Variants in SLC24A3 observed in about 807,000 individuals in gnomAD.
SLC24A3 encodes the protein sodium/potassium/calcium exchanger 3.
A neutral mutation model predicts 75.8 loss-of-function variants in SLC24A3; 28 were observed. The observed-to-expected ratio is 0.37, with a 90% CI of 0.27 to 0.51. The LOEUF is 0.51. Among genes scored for constraint, SLC24A3 ranks in the 20% least tolerant of loss-of-function variants. The probability of loss-of-function intolerance (pLI) is 0.94; values close to 1 mark genes in which losing one functional copy is unlikely to be tolerated. For missense variants in SLC24A3, 663 were observed against 847.8 expected (o/e 0.78, Z 2.71); for synonymous variants, 372 against 334.1 (o/e 1.11, Z -1.24).
At chr20:19,545,982 AC>A (rs1386707636) in intron 3 of SLC24A3, among the ~76,000 whole-genome samples, 1 of 151,166 alleles carries the variant, frequency 6.6e-6, no homozygotes, top group Non-Finnish European at 1.5e-5. Context: ...ACACGTTGAA[AC>A]CCCATTTCTA....
intron 2 of SLC24A3, among the ~76,000 whole-genome samples, chr20:19,382,190 G>T (rs1009296344): frequency 7.2e-5 from 11 of 152,192 alleles, no homozygotes; most frequent in Non-Finnish European, 2.9e-5. Context: ...CTAGGAATTT[G>T]GCTGATCAAT....
chr20:19,711,333 A>G (rs1456284786), intron 15 of SLC24A3, among the ~76,000 whole-genome samples: 2 of 151,080 alleles, frequency 1.3e-5, no homozygotes, highest in East Asian at 2.0e-4. Context: ...ACATGCATGC[A>G]CACGTGCAAA....
intron 2 of SLC24A3, among the ~76,000 whole-genome samples, chr20:19,473,217 C>T (rs1346468760): frequency 3.3e-5 from 5 of 152,190 alleles, no homozygotes; most frequent in Admixed American, 6.5e-5. Flanking sequence ...CAGCAGAACA[C>T]GAAGCTTGTA....
intron 2 of SLC24A3, among the ~76,000 whole-genome samples, chr20:19,458,443 G>A (rs980880838): frequency 6.6e-6 from 1 of 152,172 alleles, no homozygotes; most frequent in African/African-American, 2.4e-5. Flanking sequence ...CACATTGTCT[G>A]TGCAACTGTC....
intron 15 of SLC24A3, among the ~76,000 whole-genome samples, chr20:19,707,395 GTTTAAC>G (rs2032942303): frequency 6.6e-6 from 1 of 152,238 alleles, no homozygotes; most frequent in Non-Finnish European, 1.5e-5. Flanking sequence ...CTGGCAATTA[GTTTAAC>G]TTTAGCCCCT....
At chr20:19,432,102 C>G (rs5000168) in intron 2 of SLC24A3, among the ~76,000 whole-genome samples, 1 of 151,970 alleles carries the variant, frequency 6.6e-6, no homozygotes, top group African/African-American at 2.4e-5. Flanking sequence ...AAAGGCACCA[C>G]TGAGGTGACA....
intron 2 of SLC24A3, among the ~76,000 whole-genome samples, chr20:19,355,518 A>T (rs982778821): frequency 6.6e-6 from 1 of 152,026 alleles, no homozygotes; most frequent in Admixed American, 6.6e-5. Flanking sequence ...GAGCTGTAGG[A>T]CCCCCAGGGT....
chr20:19,610,278 T>G (rs890673397), intron 6 of SLC24A3, among the ~76,000 whole-genome samples: 1 of 152,166 alleles, frequency 6.6e-6, no homozygotes, highest in Non-Finnish European at 1.5e-5. Context: ...AGGAAAACAT[T>G]GGGATCTCCT....
intron 7 of SLC24A3, among the ~76,000 whole-genome samples, chr20:19,657,131 T>C (rs760717332): frequency 5.9e-5 from 9 of 152,238 alleles, no homozygotes; most frequent in Non-Finnish European, 1.3e-4. Flanking sequence ...TGCTGTTACC[T>C]GAAGATGTGG....
intron 1 of SLC24A3, among the ~76,000 whole-genome samples, chr20:19,279,055 G>C (rs983888307): frequency 1.1e-4 from 17 of 152,228 alleles, no homozygotes; most frequent in African/African-American, 3.4e-4. Context: ...TCAGGTGCTG[G>C]AGAGGCAATG....
chr20:19,333,820 C>A (rs1600434521), intron 2 of SLC24A3, among the ~76,000 whole-genome samples: 1 of 152,082 alleles, frequency 6.6e-6, no homozygotes, highest in African/African-American at 2.4e-5. Flanking sequence ...AGTAAATTGT[C>A]CTCCACCACA....
At chr20:19,546,162 A>G (rs2030588898) in intron 3 of SLC24A3, among the ~76,000 whole-genome samples, 1 of 83,464 alleles carries the variant, frequency 1.2e-5, no homozygotes, top group African/African-American at 3.3e-5. Context: ...CCGTCTCAAA[A>G]AAAAAAAAAA....
intron 12 of SLC24A3, among the ~76,000 whole-genome samples, chr20:19,689,666 G>A (rs1454538402): frequency 6.6e-6 from 1 of 152,174 alleles, no homozygotes; most frequent in African/African-American, 2.4e-5. Flanking sequence ...AGCAGAAGAT[G>A]GAAAAATGTC....
intron 3 of SLC24A3, among the ~76,000 whole-genome samples, chr20:19,544,613 A>ATT (rs34245557): frequency 6.0e-5 from 9 of 151,114 alleles, no homozygotes; most frequent in Non-Finnish European, 1.3e-4. Flanking sequence ...CCTCTGGGGC[A>ATT]TTTTTTTTTA....
At chr20:19,513,947 T>A (rs868464201) in intron 2 of SLC24A3, among the ~76,000 whole-genome samples, 40 of 152,302 alleles carry the variant, frequency 2.6e-4, no homozygotes, top group Middle Eastern at 6.8e-3. Flanking sequence ...TCCATCCTCT[T>A]CGCAAGTTTC....
intron 2 of SLC24A3, among the ~76,000 whole-genome samples, chr20:19,367,207 G>C (rs1322614791): frequency 6.6e-6 from 1 of 152,246 alleles, no homozygotes; most frequent in Non-Finnish European, 1.5e-5. Flanking sequence ...GAAGTGGACA[G>C]AAGGAAGTGG....
intron 2 of SLC24A3, among the ~76,000 whole-genome samples, chr20:19,362,966 G>A (rs528166974): frequency 2.2e-4 from 33 of 152,326 alleles, no homozygotes; most frequent in African/African-American, 6.3e-4. Context: ...TTTCAAACAC[G>A]GTTAAGTATT....
At chr20:19,362,042 G>A (rs1236678224) in intron 2 of SLC24A3, among the ~76,000 whole-genome samples, 2 of 152,098 alleles carry the variant, frequency 1.3e-5, no homozygotes, top group East Asian at 1.9e-4. Flanking sequence ...TCTGGTTCAT[G>A]TGTAGTAAAG....
intron 2 of SLC24A3, among the ~76,000 whole-genome samples, chr20:19,473,596 G>A (rs1303995537): frequency 6.6e-6 from 1 of 152,224 alleles, no homozygotes; most frequent in African/African-American, 2.4e-5. Flanking sequence ...ATGTAGCTGG[G>A]GAATTGGGGA....
Sources: gnomAD v4.1 joint callset for allele counts (sites outside exome capture counted in the v4.1 genomes callset) on GRCh38, gnomAD v4.1.1 for gene constraint, MANE v1.5 for transcripts, NCBI Gene and HGNC (gene_info 2026-07-23, HGNC 2026-07-21) for gene names.